The following PATJ variants were observed in gnomAD, a reference collection of about 807,000 sequenced individuals.
PATJ encodes the protein inaD-like protein.
PATJ carries 190 observed loss-of-function variants against 224.9 expected under a neutral mutation model. The observed-to-expected ratio is 0.84, with a 90% CI of 0.75 to 0.95. PATJ has a LOEUF of 0.95. PATJ is among the 40% of genes least tolerant of loss of function. PATJ has a pLI of 0.00. For synonymous variants in PATJ, 769 were observed against 820.3 expected (o/e 0.94, Z 1.07); for missense variants, 2,121 against 2,270.3 (o/e 0.93, Z 1.34).
chr1:62,113,765 A>G (rs1475566), intron 34 of PATJ, among the ~76,000 whole-genome samples: 116,500 of 152,182 alleles, frequency 0.77, 45,019 homozygotes, highest in East Asian at 0.91. Context: ...AAGTCCCTGC[A>G]TGCACACTCT....
rs1376984365 is a variant in PATJ at position 61,856,145 on chromosome 1, A to G, written c.2228A>G (p.Tyr743Cys). Residue 743 changes from tyrosine (Y) to cysteine (C), a missense_variant, in exon 18 of 44, where the codon TAC becomes TGC. Coordinates refer to ENST00000642238, the MANE Select transcript of PATJ (RefSeq NM_001350145.3). ...GACCGCCTGGTCTCAGTCAATGAAT[A>G]CTGTTTGGACAACACCTCACTTGCT... is the stretch of plus-strand genomic sequence containing the variant. ...PGDRLVSVNE[Y>C]CLDNTSLAEA... 14 of 1,614,040 alleles carry G rather than the reference A, an allele frequency of 8.7e-6. No homozygotes were observed. Among genetic ancestry groups the G allele is most frequent in the Non-Finnish European group, 1.1e-5 (13 of 1,180,000 alleles).
chr1:61,827,588 T>C lies in PATJ; in HGVS notation c.1980+5T>C, dbSNP rs1205958530. On this transcript the variant is annotated splice_donor_5th_base_variant and intron_variant, in intron 16 of 43. Coordinates refer to ENST00000642238, the MANE Select transcript of PATJ (RefSeq NM_001350145.3). ...ACCTCTCTTCCTGAGACAGAGGTACTAAATGAATATAGTGCATTTCCCATA... is the reference window on the plus strand; with the variant it reads ...ACCTCTCTTCCTGAGACAGAGGTACCAAATGAATATAGTGCATTTCCCATA... 3 of 1,612,852 alleles carry C rather than the reference T, an allele frequency of 1.9e-6. No homozygotes were observed. The highest frequency in any genetic ancestry group is 4.5e-5 in the East Asian group (2 of 44,858).
chr1:62,138,509 G>A (rs1470970808), intron 41 of PATJ, among the ~76,000 whole-genome samples: 1 of 151,962 alleles, frequency 6.6e-6, no homozygotes, highest in Non-Finnish European at 1.5e-5. Flanking sequence ...GTTTCACCAT[G>A]TTGGCCAGGC....
Position 61,791,380 on chromosome 1 carries a change from G to C in PATJ, c.1101G>C (p.Glu367Asp), listed in dbSNP as rs1382845252. Residue 367 changes from glutamate (E) to aspartate (D), a missense_variant, in exon 9 of 44, where the codon GAG becomes GAC. Physicochemically the swap from Glu to Asp is conservative, Grantham distance 45. Coordinates refer to ENST00000642238, the MANE Select transcript of PATJ (RefSeq NM_001350145.3). The part of the protein sequence containing the change: ...DSSLFETYNV[E>D]LVRKDGQSLG... The stretch of plus-strand genomic sequence containing the variant: ...CTCTTTTTGAAACTTATAATGTTGA[G>C]CTTGTGAGAAAAGATGGGCAGAGTC... 2 of 1,612,110 alleles carry C rather than the reference G, an allele frequency of 1.2e-6. No homozygotes were observed. Among genetic ancestry groups the C allele is most frequent in the South Asian group, 2.2e-5 (2 of 90,996 alleles).
intron 7 of PATJ, among the ~76,000 whole-genome samples, chr1:61,778,034 C>T (rs933032666): frequency 5.3e-5 from 8 of 151,990 alleles, no homozygotes; most frequent in East Asian, 1.9e-4. Context: ...CCCAGGCCAC[C>T]ATGCCTAGCT....
At chr1:61,908,587 A>C (rs993232548) in intron 25 of PATJ, 105 bp downstream of exon 25, 11 of 702,924 alleles carry the variant, frequency 1.6e-5, no homozygotes, top group Admixed American at 2.8e-5. Context: ...TGTAGTTCCC[A>C]AACTATATTT....
rs768435280 is a variant in PATJ, at chr1:62,038,024, C to T, written c.4007C>T (p.Pro1336Leu). The part of the protein sequence containing the change: ...NQMAVTPFPV[P>L]SSSPSSIEDQ... Reference sequence around the variant, plus strand: ...ATGGCCGTTACTCCCTTTCCAGTGCCATCAAGTTCTCCATCTTCTATTGAG... The same window carrying T: ...ATGGCCGTTACTCCCTTTCCAGTGCTATCAAGTTCTCCATCTTCTATTGAG... The change falls in exon 30 of 44, where the codon CCA (proline) becomes CTA (leucine). Residue 1336 changes from proline (P) to leucine (L), a missense_variant. Transcript: ENST00000642238. 2.5e-6 allele frequency: 4 copies of T among 1,597,786 alleles called. No homozygotes were observed. In the Admixed American group the frequency reaches 5.1e-5, roughly 20 times the overall value.
intron 4 of PATJ, among the ~76,000 whole-genome samples, chr1:61,768,669 G>A (rs1211660280): frequency 6.6e-6 from 1 of 151,910 alleles, no homozygotes; most frequent in African/African-American, 2.4e-5. Flanking sequence ...GGAGGCTGAG[G>A]CGGGTGGATC....
chr1:62,069,076 AT>A (rs911989200), intron 31 of PATJ, among the ~76,000 whole-genome samples: 1 of 152,134 alleles, frequency 6.6e-6, no homozygotes, highest in Admixed American at 6.6e-5. Flanking sequence ...TACTGCCATG[AT>A]TTTTTTTCCC....
intron 39 of PATJ, among the ~76,000 whole-genome samples, chr1:62,124,245 G>T (rs923979630): frequency 1.3e-5 from 2 of 151,940 alleles, no homozygotes; most frequent in African/African-American, 4.8e-5. Context: ...ACCACGCCCG[G>T]CTAATTTTTG....
At chr1:61,767,939 G>A (rs1646381858) in intron 4 of PATJ, among the ~76,000 whole-genome samples, 1 of 151,692 alleles carries the variant, frequency 6.6e-6, no homozygotes, top group Admixed American at 6.6e-5. Flanking sequence ...TCAAAGTGCT[G>A]GGATTACAGG....
intron 33 of PATJ, among the ~76,000 whole-genome samples, chr1:62,102,663 G>A (rs1331672319): frequency 6.6e-6 from 1 of 151,790 alleles, no homozygotes; most frequent in Non-Finnish European, 1.5e-5. Context: ...GACCAGCCTG[G>A]GCAACAAGGC....
At position 61,869,342 on chromosome 1, in the gene PATJ, G is replaced by A. The variant is rs368033159; in HGVS notation, c.2835+4709G>A. ...GGGATGGTCTCGATCTCCTGACCTCGTGATCCGCCCGCCTCGGCCTCCCAA... is the reference window on the plus strand; with the variant it reads ...GGGATGGTCTCGATCTCCTGACCTCATGATCCGCCCGCCTCGGCCTCCCAA... On this transcript the variant is annotated intron_variant, in intron 20 of 43. Coordinates refer to ENST00000642238, the MANE Select transcript of PATJ (RefSeq NM_001350145.3). Among the ~76,000 whole-genome samples, 607 of 152,066 alleles carry A rather than the reference G, an allele frequency of 4.0e-3. 6 individuals are homozygous for A. Among genetic ancestry groups the A allele is most frequent in the Middle Eastern group, 0.031 (9 of 292 alleles).
chr1:62,053,096 C>G (rs1416295043), intron 31 of PATJ, among the ~76,000 whole-genome samples: 2 of 152,206 alleles, frequency 1.3e-5, no homozygotes, highest in African/African-American at 4.8e-5. Context: ...TCATCCACTC[C>G]CAGTTCCCAA....
At chr1:61,977,319 G>A (rs1460944054) in intron 27 of PATJ, among the ~76,000 whole-genome samples, 1 of 151,936 alleles carries the variant, frequency 6.6e-6, no homozygotes, top group Non-Finnish European at 1.5e-5. Context: ...CGAACTCCTA[G>A]CCTCAAGTAA....
chr1:61,799,338 G>A (rs745343246), intron 11 of PATJ, among the ~76,000 whole-genome samples: 4 of 152,120 alleles, frequency 2.6e-5, no homozygotes, highest in South Asian at 2.1e-4. Flanking sequence ...AATTACAGGC[G>A]CTGCCCGCCA....
intron 17 of PATJ, among the ~76,000 whole-genome samples, chr1:61,853,573 C>G (rs1020128325): frequency 2.6e-5 from 4 of 152,144 alleles, no homozygotes; most frequent in Non-Finnish European, 5.9e-5. Context: ...AACTGACATC[C>G]TAAATGAAGG....
chr1:61,895,778 G>A (rs1670278059), intron 22 of PATJ, among the ~76,000 whole-genome samples: 1 of 152,156 alleles, frequency 6.6e-6, no homozygotes, highest in African/African-American at 2.4e-5. Flanking sequence ...TATGAGAAGA[G>A]GGCCACGATC....
chr1:61,827,604 A>G, intron 16 of PATJ, 21 bp downstream of exon 16: 3 of 1,606,702 alleles, frequency 1.9e-6, no homozygotes, highest in Non-Finnish European at 1.7e-6. Context: ...AATATAGTGC[A>G]TTTCCCATAG....
Sources: gnomAD v4.1 joint callset for allele counts (sites outside exome capture counted in the v4.1 genomes callset) on GRCh38, gnomAD v4.1.1 for gene constraint, MANE v1.5 for transcripts, NCBI Gene and HGNC (gene_info 2026-07-23, HGNC 2026-07-21) for gene names.